The following RPAP1 variants were observed in gnomAD, a reference collection of about 807,000 sequenced individuals.
RPAP1 encodes RNA polymerase II associated protein 1, also known as RNA polymerase II-associated protein 1.
In RPAP1, 109 loss-of-function variants were observed where a neutral mutation model predicts 142.4. The ratio of observed to expected loss-of-function variants is 0.77; its 90% CI spans 0.66 to 0.90. The LOEUF (loss-of-function observed/expected upper bound fraction) is 0.90. Ranked by LOEUF, RPAP1 falls within the 40% of genes least tolerant of loss-of-function variation. RPAP1 has a pLI of 0.00. For synonymous variants in RPAP1, 704 were observed against 738.9 expected (o/e 0.95, Z 0.77); for missense variants, 1,546 against 1,751.7 (o/e 0.88, Z 2.10).
chr15:41,520,670 C>T lies in RPAP1; in HGVS notation c.3516G>A (p.Glu1172=), dbSNP rs1196959338. The change falls in exon 22 of 25, where the codon GAG becomes GAA. Residue 1172 remains glutamate, a synonymous_variant. Coordinates refer to ENST00000304330, the MANE Select transcript of RPAP1 (RefSeq NM_015540.4). ...CTGCCACCAGATGCTGTACTGGGGA[C>T]TCCCGGAACAGCTCACTGTCCACCA... ...VFLVDSELFR[E]SPVQHLVAAL... The T allele has an allele frequency of 3.7e-6, 6 of 1,614,170 alleles. No individual in the cohort carries two copies. In the South Asian group the frequency reaches 5.5e-5, roughly 15 times the overall value.
At chr15:41,532,306 C>T (rs1490094729) in intron 6 of RPAP1, among the ~76,000 whole-genome samples, 1 of 152,050 alleles carries the variant, frequency 6.6e-6, no homozygotes, top group Non-Finnish European at 1.5e-5. Flanking sequence ...AGGCGTGAGC[C>T]TCCACACCTG....
In RPAP1 at chr15:41,522,081, C is replaced by T. The variant is rs181057938; in HGVS notation, c.2895+17G>A. ...ATAATGGGATGACAGGAGAACCTGT[C>T]AGACAGGGGGACCTACCGCTTTCTG... On this transcript the variant is annotated intron_variant, in intron 20 of 24. Coordinates refer to ENST00000304330, the MANE Select transcript of RPAP1 (RefSeq NM_015540.4). 79 of 1,611,448 alleles carry T rather than the reference C, an allele frequency of 4.9e-5. No individual in the cohort carries two copies. The highest frequency in any genetic ancestry group is 1.8e-4 in the Middle Eastern group (1 of 5,472).
In RPAP1 at chr15:41,526,885, G is replaced by A. The variant is rs746310666; in HGVS notation, c.1917+13C>T. On this transcript the variant is annotated intron_variant, in intron 14 of 24. Coordinates refer to ENST00000304330, the MANE Select transcript of RPAP1 (RefSeq NM_015540.4). ...CATGCATTCCCCCATCCCTTGCCCTGTGTCCTGCTCACCAGCCGGGCAGCA... is the reference window on the plus strand; with the variant it reads ...CATGCATTCCCCCATCCCTTGCCCTATGTCCTGCTCACCAGCCGGGCAGCA... 1 of 1,601,648 alleles carries A rather than the reference G, an allele frequency of 6.2e-7. No homozygotes were observed. The highest frequency in any genetic ancestry group is 2.2e-5 in the East Asian group (1 of 44,606).
At chr15:41,532,580 C>T (rs1397676992) in intron 6 of RPAP1, among the ~76,000 whole-genome samples, 2 of 152,044 alleles carry the variant, frequency 1.3e-5, no homozygotes, top group African/African-American at 4.8e-5. Context: ...AACAGTATCA[C>T]AGAGTAGAAG....
At position 41,529,461 on chromosome 15, in the gene RPAP1, A is replaced by G. The variant is rs2051826305; in HGVS notation, c.1158+9T>C. 6.3e-7 allele frequency: 1 copy of G among 1,598,478 alleles called. No individual in the cohort carries two copies. Among genetic ancestry groups the G allele is most frequent in the Non-Finnish European group, 8.6e-7 (1 of 1,167,666 alleles). ...GAGCTGCCCCATCCTCTCCAGTCCCATGCCTCACCTCTGCCTCCTCTCCAT... is the reference window on the plus strand; with the variant it reads ...GAGCTGCCCCATCCTCTCCAGTCCCGTGCCTCACCTCTGCCTCCTCTCCAT... On this transcript the variant is annotated intron_variant, in intron 9 of 24. Transcript: ENST00000304330.
chr15:41,531,726 C>T (rs1335969906), intron 6 of RPAP1, among the ~76,000 whole-genome samples: 1 of 147,546 alleles, frequency 6.8e-6, no homozygotes, highest in Non-Finnish European at 1.5e-5. Context: ...CTGCAACCTC[C>T]ATCTCCCAGG....
intron 10 of RPAP1, 87 bp from the exon 11 acceptor site, chr15:41,528,114 C>G: frequency 6.5e-7 from 1 of 1,546,252 alleles, no homozygotes; most frequent in Non-Finnish European, 8.8e-7. Context: ...CCCTATGATC[C>G]TAGGTTGTTA....
chr15:41,531,025 G>A lies in RPAP1; in HGVS notation c.941C>T (p.Pro314Leu), dbSNP rs968695879. 1.2e-6 allele frequency: 2 copies of A among 1,609,692 alleles called. No individual in the cohort carries two copies. The highest frequency in any genetic ancestry group is 1.7e-6 in the Non-Finnish European group (2 of 1,176,378). ...TATGACCCCCGCCTCCTGCAAACCT[G>A]GGGCTTCTGGCTCCAGCTTGTCTCT... ...RKRDKLEPEAPALALPVTPQK... is the reference protein window; with the variant it reads ...RKRDKLEPEALALALPVTPQK... The change falls in exon 7 of 25, where the codon CCA becomes CTA. Residue 314 changes from proline to leucine, a missense_variant and splice_region_variant. This residue lies in a region of RPAP1 where 1,333 missense variants were observed against 1,486.6 expected (regional missense o/e 0.90). Transcript: ENST00000304330.
At chr15:41,528,204 GT>G in intron 10 of RPAP1, 30 bp downstream of exon 10, 1 of 1,567,598 alleles carries the variant, frequency 6.4e-7, no homozygotes, top group Non-Finnish European at 8.7e-7. Context: ...GAAGGGAAGG[GT>G]GGGCAGGACC....
Position 41,525,219 on chromosome 15 carries a change from G to C in RPAP1, c.1918-71C>G, listed in dbSNP as rs1018461816. On this transcript the variant is annotated intron_variant, in intron 14 of 24. Transcript: ENST00000304330. ...AAGTCCAGCTACTCTCAGCTGGACA[G>C]AGAGTGGCTTAACTCAACCCTGACC... 1.5e-5 allele frequency: 21 copies of C among 1,418,942 alleles called. No homozygotes were observed. In the Admixed American group the frequency reaches 2.3e-4, roughly 16 times the overall value. The allele number at this position is 1,418,942 out of a possible 1,614,324, so 87.9% of individuals were successfully genotyped here.
At chr15:41,523,100 C>G in intron 18 of RPAP1, 140 bp from the exon 19 acceptor site, 8 of 911,672 alleles carry the variant, frequency 8.8e-6, no homozygotes, top group Non-Finnish European at 1.3e-5. Flanking sequence ...AGAGCCCACC[C>G]CACTGCTGCC....
In RPAP1 at chr15:41,517,821, T is replaced by C. The variant is rs139049540; in HGVS notation, c.4009A>G (p.Lys1337Glu). The change falls in exon 24 of 25, where the codon AAA (lysine) becomes GAA (glutamate). Residue 1337 changes from lysine to glutamate, a missense_variant. Transcript: ENST00000304330. ...ACCTCATCTGCCAGCAGCCATGTTTTCTGCAGCATACTCCTGCGGGCAGCT... is the reference window on the plus strand; with the variant it reads ...ACCTCATCTGCCAGCAGCCATGTTTCCTGCAGCATACTCCTGCGGGCAGCT... ...VKAARRSMLQKTWLLADEGLR... is the reference protein window; with the variant it reads ...VKAARRSMLQETWLLADEGLR... 575 of 1,614,190 alleles carry C rather than the reference T, an allele frequency of 3.6e-4. No individual in the cohort carries two copies. Among genetic ancestry groups the C allele is most frequent in the Admixed American group, 7.7e-4 (46 of 60,020 alleles).
intron 7 of RPAP1, among the ~76,000 whole-genome samples, chr15:41,530,477 C>A (rs1263828338): frequency 6.6e-6 from 1 of 152,152 alleles, no homozygotes; most frequent in Non-Finnish European, 1.5e-5. Context: ...GCCTGGAGCT[C>A]CTCCGGGGGC....
At chr15:41,542,778 T>C (rs375056992) in intron 1 of RPAP1, among the ~76,000 whole-genome samples, 4 of 152,290 alleles carry the variant, frequency 2.6e-5, no homozygotes, top group East Asian at 3.9e-4. Flanking sequence ...GAACAGAGTC[T>C]CATACATGAA....
chr15:41,537,382 T>TA (rs2051922899), intron 1 of RPAP1, among the ~76,000 whole-genome samples, 181 bp from the exon 2 acceptor site: 1 of 152,162 alleles, frequency 6.6e-6, no homozygotes, highest in African/African-American at 2.4e-5. Flanking sequence ...ACAATATTTA[T>TA]AGCCAACTTA....
intron 14 of RPAP1, 106 bp from the exon 15 acceptor site, chr15:41,525,254 CTGG>C (rs765906384): frequency 2.2e-4 from 193 of 878,956 alleles, no homozygotes; most frequent in Non-Finnish European, 2.8e-4. Context: ...CCAGGCCCCT[CTGG>C]TGCCACAAAG....
chr15:41,529,662 G>A, intron 8 of RPAP1, 94 bp from the exon 9 acceptor site: 1 of 981,416 alleles, frequency 1.0e-6, no homozygotes, highest in Non-Finnish European at 1.6e-6. Context: ...TCAGGACTTA[G>A]GTACTGACTC....
intron 4 of RPAP1, 110 bp from the exon 5 acceptor site, chr15:41,535,742 A>G (rs2051900186): frequency 1.4e-6 from 2 of 1,440,516 alleles, no homozygotes; most frequent in East Asian, 2.3e-5. Context: ...GATTTGCTCA[A>G]TTTCCAGGGA....
intron 5 of RPAP1, among the ~76,000 whole-genome samples, chr15:41,535,261 AT>A (rs138648389): frequency 8.2e-4 from 125 of 152,236 alleles, no homozygotes; most frequent in Non-Finnish European, 1.5e-3. Flanking sequence ...TGGCCAACAC[AT>A]TTATTTTACA....
Sources: gnomAD v4.1 joint callset for allele counts (sites outside exome capture counted in the v4.1 genomes callset) on GRCh38, gnomAD v4.1.1 for gene constraint, gnomAD v4.1.1 regional missense constraint, MANE v1.5 for transcripts, NCBI Gene and HGNC (gene_info 2026-07-23, HGNC 2026-07-21) for gene names.